The following SLCO2B1 variants were observed in gnomAD, a reference collection of about 807,000 sequenced individuals.
SLCO2B1 encodes the protein solute carrier organic anion transporter family member 2B1.
Under a neutral mutation model 67.3 loss-of-function variants are expected in SLCO2B1, and 41 were observed. The observed-to-expected ratio is 0.61, with a 90% confidence interval of 0.47 to 0.79. The LOEUF (loss-of-function observed/expected upper bound fraction) is 0.79. Among genes scored for constraint, SLCO2B1 ranks in the 30% least tolerant of loss-of-function variants. The pLI is 0.00. For synonymous variants in SLCO2B1, 379 were observed against 381.4 expected (o/e 0.99, Z 0.07); for missense variants, 837 against 920.1 (o/e 0.91, Z 1.17).
In SLCO2B1 at chr11:75,193,208, G is replaced by C. The variant is rs35039813; in HGVS notation, c.1076-10G>C. On this transcript the variant is annotated splice_polypyrimidine_tract_variant and intron_variant, in intron 8 of 13. Coordinates refer to ENST00000289575, the MANE Select transcript of SLCO2B1 (RefSeq NM_007256.5). The surrounding 1 kb of genome is among the most constrained non-coding windows in gnomAD (Gnocchi z 4.2). ...CCTGCCTGCCCTGACCTCTGCACTC[G>C]CCCCCACAGTCTTCCCCAGGGTGCT... 1 of 1,595,476 alleles carries C rather than the reference G, an allele frequency of 6.3e-7. No homozygotes were observed. The highest frequency in any genetic ancestry group is 1.3e-5 in the African/African-American group (1 of 74,824).
At chr11:75,158,268 G>C (rs1386572439) in intron 1 of SLCO2B1, among the ~76,000 whole-genome samples, 1 of 152,138 alleles carries the variant, frequency 6.6e-6, no homozygotes, top group Non-Finnish European at 1.5e-5. Flanking sequence ...TACAGATGAG[G>C]TTTCACCATG....
At position 75,173,112 on chromosome 11, in the gene SLCO2B1, T is replaced by C. The variant is rs74754655; in HGVS notation, c.972+543T>C. Among the ~76,000 whole-genome samples the C allele has an allele frequency of 3.4e-3, 512 of 152,320 alleles. 4 individuals are homozygous for C. The highest frequency in any genetic ancestry group is 0.012 in the African/African-American group (496 of 41,568). ...ACAAAGCCAGCAAGCAAGGCAGCAC[T>C]GGGATGAGAACCCGCACCTTTCTGA... On this transcript the variant is annotated intron_variant, in intron 7 of 13. Transcript: ENST00000289575.
intron 9 of SLCO2B1, among the ~76,000 whole-genome samples, chr11:75,195,498 G>A (rs1184302004): frequency 1.3e-5 from 2 of 152,078 alleles, no homozygotes; most frequent in African/African-American, 2.4e-5. Flanking sequence ...CTCACCCCAG[G>A]GAGGGAGAGG....
intron 11 of SLCO2B1, 174 bp from the exon 12 acceptor site, chr11:75,202,727 T>A (rs918205290): frequency 9.4e-6 from 6 of 636,624 alleles, no homozygotes; most frequent in Admixed American, 2.6e-5. Flanking sequence ...GCTCTGCAGG[T>A]TGAAAAAGGA....
At chr11:75,161,359 T>C (rs1043792875) in intron 1 of SLCO2B1, among the ~76,000 whole-genome samples, 1 of 152,186 alleles carries the variant, frequency 6.6e-6, no homozygotes, top group Non-Finnish European at 1.5e-5. Context: ...TGGAATTAGA[T>C]AGTGGAGATA....
At chr11:75,188,492 G>T (rs78573903) in intron 8 of SLCO2B1, among the ~76,000 whole-genome samples, 47 of 152,228 alleles carry the variant, frequency 3.1e-4, no homozygotes, top group African/African-American at 1.1e-3. Context: ...TTGGGAGGCC[G>T]AGGTGGACGG....
Position 75,196,605 on chromosome 11 carries a change from C to G in SLCO2B1, c.1525C>G (p.Arg509Gly). 1 of 1,614,076 alleles carries G rather than the reference C, an allele frequency of 6.2e-7. No individual in the cohort carries two copies. The highest frequency in any genetic ancestry group is 8.5e-7 in the Non-Finnish European group (1 of 1,180,032). Residue 509 changes from arginine to glycine, a missense_variant, in exon 10 of 14, where the codon CGT becomes GGT. Coordinates refer to ENST00000289575, the MANE Select transcript of SLCO2B1 (RefSeq NM_007256.5). ...TAACCCTGTCTGCGACCCCAGCACT[C>G]GTGTGGAATACATCACACCCTGCCA... The part of the protein sequence containing the change: ...GFNPVCDPST[R>G]VEYITPCHAG...
chr11:75,193,309 C>G lies in SLCO2B1; in HGVS notation c.1167C>G (p.Gly389=), dbSNP rs1381894568. 6.2e-7 allele frequency: 1 copy of G among 1,614,094 alleles called. No homozygotes were observed. Among genetic ancestry groups the G allele is most frequent in the South Asian group, 1.1e-5 (1 of 91,082 alleles). The change falls in exon 9 of 14, where the codon GGC becomes GGG. Residue 389 remains glycine (G), a synonymous_variant. Transcript: ENST00000289575. The surrounding 1 kb of genome is among the most constrained non-coding windows in gnomAD (Gnocchi z 4.2). ...TATGCTTGTCATCCATGGCTGCGGG[C>G]ATGGCCACCTTCCTGCCCAAGTTCC... ...SQVCLSSMAA[G]MATFLPKFLE...
intron 7 of SLCO2B1, among the ~76,000 whole-genome samples, chr11:75,181,138 G>A (rs888556809): frequency 6.6e-6 from 1 of 152,264 alleles, no homozygotes; most frequent in South Asian, 2.1e-4. Flanking sequence ...GGAGGCTGAG[G>A]CAGGTGGATT....
chr11:75,187,391 T>G (rs1944953001), intron 7 of SLCO2B1, among the ~76,000 whole-genome samples: 1 of 152,196 alleles, frequency 6.6e-6, no homozygotes, highest in Admixed American at 6.5e-5. Flanking sequence ...CTTCACAGCT[T>G]GGACCCAAAG....
chr11:75,170,858 T>C (rs1019446720), intron 6 of SLCO2B1, among the ~76,000 whole-genome samples: 5 of 151,604 alleles, frequency 3.3e-5, no homozygotes, highest in African/African-American at 1.2e-4. Context: ...TGCAAGGGGG[T>C]GTGTTTTCTG....
chr11:75,177,747 T>A (rs539525396), intron 7 of SLCO2B1, among the ~76,000 whole-genome samples: 1 of 152,290 alleles, frequency 6.6e-6, no homozygotes, highest in African/African-American at 2.4e-5. Flanking sequence ...TCAGATGTTC[T>A]TCATAAATAA....
At chr11:75,182,603 G>A (rs1175901062) in intron 7 of SLCO2B1, among the ~76,000 whole-genome samples, 3 of 152,092 alleles carry the variant, frequency 2.0e-5, no homozygotes, top group African/African-American at 7.2e-5. Flanking sequence ...TTAGCCAGGT[G>A]TGGTGGCGTG....
chr11:75,206,335 A>G lies in SLCO2B1; in HGVS notation c.*1755A>G, dbSNP rs1945276367. ...AACCACATCATTTCCATTAACTTAG[A>G]TTTAGGTTTTACTGGATTCATTGCT... On this transcript the variant is annotated 3_prime_UTR_variant, in exon 14 of 14. Coordinates refer to ENST00000289575, the MANE Select transcript of SLCO2B1 (RefSeq NM_007256.5). 1 of 152,192 alleles carries G rather than the reference A, an allele frequency of 6.6e-6. No homozygotes were observed. The highest frequency in any genetic ancestry group is 6.5e-5 in the Admixed American group (1 of 15,278). 9.4% of individuals were successfully genotyped at this position (152,192 alleles called of 1,614,324 possible). A position where few individuals can be genotyped will look rare whatever the true frequency, so the allele number is the denominator to read the frequency against.
chr11:75,172,690 G>A (rs1052520829), intron 7 of SLCO2B1, 121 bp downstream of exon 7: 25 of 872,370 alleles, frequency 2.9e-5, no homozygotes, highest in Non-Finnish European at 4.2e-5. Flanking sequence ...AGCACTTTGG[G>A]AGGCCAAGGC....
chr11:75,203,025 CCAGGCCTGGGGCA>C (rs1464549725), intron 12 of SLCO2B1, 60 bp downstream of exon 12: 11 of 1,456,276 alleles, frequency 7.6e-6, no homozygotes, highest in Non-Finnish European at 1.1e-5. Flanking sequence ...CCACTGTGTG[CCAGGCCTGGGGCA>C]CAGGCATGAG....
chr11:75,169,587 C>A (rs1565537154), intron 5 of SLCO2B1, 79 bp from the exon 6 acceptor site: 2 of 1,316,002 alleles, frequency 1.5e-6, no homozygotes, highest in Non-Finnish European at 2.1e-6. Context: ...AGTGTTCTTG[C>A]CCATCAGAGA....
chr11:75,190,725 C>T (rs1945009501), intron 8 of SLCO2B1, among the ~76,000 whole-genome samples: 1 of 152,152 alleles, frequency 6.6e-6, no homozygotes, highest in Admixed American at 6.5e-5. Flanking sequence ...TTGGAAGAAG[C>T]ATAGTCCCTA....
Position 75,151,170 on chromosome 11 carries a change from A to G in SLCO2B1, c.-212A>G. ...ATACTTGGGGCTGAGTTTGAGCAAG[A>G]CTCCCTAACCTGTGTCTGGACAAGT... On this transcript the variant is annotated 5_prime_UTR_variant, in exon 1 of 14. Transcript: ENST00000289575. The G allele has an allele frequency of 1.8e-6, 1 of 550,860 alleles. No individual in the cohort carries two copies. Among genetic ancestry groups the G allele is most frequent in the Non-Finnish European group, 3.2e-6 (1 of 310,968 alleles). The allele number at this position is 550,860 out of a possible 1,614,324, so 34.1% of individuals were successfully genotyped here.
Sources: gnomAD v4.1 joint callset for allele counts (sites outside exome capture counted in the v4.1 genomes callset) on GRCh38, gnomAD v4.1.1 for gene constraint, Gnocchi (gnomAD v3.1) non-coding constraint, MANE v1.5 for transcripts, NCBI Gene and HGNC (gene_info 2026-07-23, HGNC 2026-07-21) for gene names.